Variants in PTCHD4 observed in about 807,000 individuals in gnomAD.
PTCHD4 encodes patched domain containing 4, also known as patched domain-containing protein 4.
A neutral mutation model predicts 58.1 loss-of-function variants in PTCHD4; 33 were observed. That is an observed-to-expected ratio of 0.57 (90% CI 0.43 to 0.76). The LOEUF is 0.76. Ranked by LOEUF, PTCHD4 falls within the 30% of genes least tolerant of loss-of-function variation. PTCHD4 has a pLI of 0.00. For synonymous variants in PTCHD4, 478 were observed against 409.6 expected, an observed-to-expected ratio of 1.17 and a Z score of -2.02; for missense variants, 1,058 against 1,027.1, an observed-to-expected ratio of 1.03 and a Z score of -0.41.
rs1206558535 is a variant in PTCHD4, at chr6:47,863,565, G to T, written c.*14738C>A. Among the ~76,000 whole-genome samples, 3 of 151,904 alleles carry T rather than the reference G, an allele frequency of 2.0e-5. No individual in the cohort carries two copies. In the East Asian group the frequency reaches 5.8e-4, roughly 29 times the overall value. On this transcript the variant is annotated 3_prime_UTR_variant, in exon 5 of 5. Coordinates refer to ENST00000339488, the MANE Select transcript of PTCHD4 (RefSeq NM_001384253.1). ...AATTTCAGAGAAACAAGTATTTTTA[G>T]TATAGTAGATTCCAAATATTGCATG... is the stretch of plus-strand genomic sequence containing the variant.
At chr6:48,041,254 C>T (rs1024375759) in intron 3 of PTCHD4, among the ~76,000 whole-genome samples, 5 of 152,008 alleles carry the variant, frequency 3.3e-5, no homozygotes, top group South Asian at 2.1e-4. Flanking sequence ...CCTGCTACCA[C>T]CTCTTGTAGT....
chr6:48,055,795 G>A (rs552110276), intron 3 of PTCHD4, among the ~76,000 whole-genome samples: 7 of 152,236 alleles, frequency 4.6e-5, no homozygotes, highest in East Asian at 3.9e-4. Context: ...ACTTACTGGC[G>A]CCCTACCCTC....
intron 4 of PTCHD4, among the ~76,000 whole-genome samples, chr6:47,973,041 A>G (rs12202218): frequency 0.13 from 19,020 of 151,942 alleles, 1,489 homozygotes; most frequent in South Asian, 0.2. Flanking sequence ...TTCCTCATTT[A>G]TTATTTTTTC....
chr6:47,921,294 A>T (rs1765424306), intron 4 of PTCHD4, among the ~76,000 whole-genome samples: 1 of 152,150 alleles, frequency 6.6e-6, no homozygotes. Flanking sequence ...TTAATAGTAC[A>T]TTACACATTC....
rs1763363842 is a variant in PTCHD4, at chr6:47,859,224, G to A, written c.*19079C>T. 6.6e-6 allele frequency among the ~76,000 whole-genome samples: 1 copy of A among 151,996 alleles called. No homozygotes were observed. On this transcript the variant is annotated 3_prime_UTR_variant, in exon 5 of 5. Transcript: ENST00000339488. The stretch of plus-strand genomic sequence containing the variant: ...CCAATTGCTCCCATTTAAGGATGTG[G>A]CTGCCATGATAATCTTTCACTTGTT...
chr6:48,110,632 C>T (rs1765850617), intron 1 of PTCHD4, among the ~76,000 whole-genome samples: 1 of 124,242 alleles, frequency 8.0e-6, no homozygotes, highest in African/African-American at 3.3e-5. Context: ...ATGGTTTTAC[C>T]ACACACACAC....
At chr6:47,913,852 A>G (rs1765147555) in intron 4 of PTCHD4, among the ~76,000 whole-genome samples, 1 of 152,096 alleles carries the variant, frequency 6.6e-6, no homozygotes, top group Non-Finnish European at 1.5e-5. Context: ...TTTTTCTGTG[A>G]TTGAGTTGGA....
rs776628629 is a variant in PTCHD4 at position 47,858,716 on chromosome 6, G to C, written c.*19587C>G. Among the ~76,000 whole-genome samples the C allele has an allele frequency of 2.0e-5, 3 of 151,998 alleles. No individual in the cohort carries two copies. The highest frequency in any genetic ancestry group is 4.1e-4 in the South Asian group (2 of 4,830). ...ATCTGAGTCAGAATTTCTGTGGGTG[G>C]AATAAATAATAAACCTGCTGATGTT... On this transcript the variant is annotated 3_prime_UTR_variant, in exon 5 of 5. Transcript: ENST00000339488.
chr6:47,965,135 TA>T, intron 4 of PTCHD4, among the ~76,000 whole-genome samples: 1 of 152,228 alleles, frequency 6.6e-6, no homozygotes, highest in Non-Finnish European at 1.5e-5. Flanking sequence ...AATTGGGTAC[TA>T]ACGGGAAAAA....
At chr6:47,963,869 A>T (rs779744714) in intron 4 of PTCHD4, among the ~76,000 whole-genome samples, 1 of 152,204 alleles carries the variant, frequency 6.6e-6, no homozygotes, top group Non-Finnish European at 1.5e-5. Flanking sequence ...ATCTTCTGCT[A>T]ATTATTGCAA....
chr6:48,091,783 T>A (rs757266545), intron 1 of PTCHD4, among the ~76,000 whole-genome samples: 2 of 151,804 alleles, frequency 1.3e-5, no homozygotes, highest in African/African-American at 2.4e-5. Context: ...GTAGCTGGGA[T>A]TAAAGGCCCG....
intron 4 of PTCHD4, among the ~76,000 whole-genome samples, chr6:47,952,838 C>T (rs1766705271): frequency 6.6e-6 from 1 of 151,962 alleles, no homozygotes; most frequent in African/African-American, 2.4e-5. Flanking sequence ...ATGCATTTCT[C>T]AGAACATTTC....
chr6:47,868,832 A>T lies in PTCHD4; in HGVS notation c.*9471T>A, dbSNP rs1763642810. ...GAAATGATAAAAGTTGAACATATTT[A>T]AAGGAAAAAAGCAGAATAAAATTAA... On this transcript the variant is annotated 3_prime_UTR_variant, in exon 5 of 5. Transcript: ENST00000339488. 1.3e-5 allele frequency among the ~76,000 whole-genome samples: 2 copies of T among 151,770 alleles called. No individual in the cohort carries two copies. Among genetic ancestry groups the T allele is most frequent in the African/African-American group, 4.8e-5 (2 of 41,392 alleles).
intron 4 of PTCHD4, among the ~76,000 whole-genome samples, chr6:48,002,412 T>C (rs965016933): frequency 6.6e-6 from 1 of 152,162 alleles, no homozygotes; most frequent in Admixed American, 6.5e-5. Context: ...ATATACACCA[T>C]GGAATACTAT....
chr6:47,922,358 T>C (rs1459649610), intron 4 of PTCHD4, among the ~76,000 whole-genome samples: 1 of 152,174 alleles, frequency 6.6e-6, no homozygotes. Context: ...ACTCTTTCCT[T>C]TTATCCCATC....
chr6:47,916,650 T>TAC (rs147208530), intron 4 of PTCHD4, among the ~76,000 whole-genome samples: 5,690 of 150,798 alleles, frequency 0.038, 245 homozygotes, highest in African/African-American at 0.11. Flanking sequence ...GACACACACA[T>TAC]ACACACACAC....
intron 4 of PTCHD4, among the ~76,000 whole-genome samples, chr6:47,898,171 C>G (rs1393291680): frequency 6.6e-6 from 1 of 151,944 alleles, no homozygotes; most frequent in African/African-American, 2.4e-5. Flanking sequence ...GTCTCGATAT[C>G]CTGACCTCAT....
At chr6:47,887,315 CTT>C (rs1345257595) in intron 4 of PTCHD4, among the ~76,000 whole-genome samples, 1 of 150,642 alleles carries the variant, frequency 6.6e-6, no homozygotes, top group East Asian at 1.9e-4. Context: ...TAAATTATAA[CTT>C]TAATAATAAT....
intron 4 of PTCHD4, among the ~76,000 whole-genome samples, chr6:47,982,983 A>G (rs558635187): frequency 6.6e-6 from 1 of 152,232 alleles, no homozygotes; most frequent in African/African-American, 2.4e-5. Flanking sequence ...CTATGAAATC[A>G]TATATATTAT....
Sources: gnomAD v4.1 joint callset for allele counts (sites outside exome capture counted in the v4.1 genomes callset) on GRCh38, gnomAD v4.1.1 for gene constraint, MANE v1.5 for transcripts, NCBI Gene and HGNC (gene_info 2026-07-23, HGNC 2026-07-21) for gene names.